The following NUP98 variants were observed in gnomAD, a reference collection of about 807,000 sequenced individuals.
NUP98 encodes nuclear pore complex protein Nup98-Nup96.
In NUP98, 26 loss-of-function variants were observed where a neutral mutation model predicts 191.9. The ratio of observed to expected loss-of-function variants is 0.14; its 90% confidence interval spans 0.10 to 0.19. The LOEUF (loss-of-function observed/expected upper bound fraction) is 0.19. Ranked by LOEUF, NUP98 falls within the 10% of genes least tolerant of loss-of-function variation. NUP98 has a pLI of 1.00. For missense variants in NUP98, 1,941 were observed against 2,178.8 expected (o/e 0.89, Z 2.17); for synonymous variants, 808 against 778.4 (o/e 1.04, Z -0.63).
intron 16 of NUP98, among the ~76,000 whole-genome samples, chr11:3,721,380 T>C (rs2079394589): frequency 1.3e-5 from 2 of 152,078 alleles, no homozygotes; most frequent in South Asian, 4.1e-4. Context: ...AAATTTACAC[T>C]CCCAAATAAA....
At chr11:3,697,954 T>C (rs2078564203) in intron 25 of NUP98, among the ~76,000 whole-genome samples, 1 of 151,712 alleles carries the variant, frequency 6.6e-6, no homozygotes, top group Non-Finnish European at 1.5e-5. Flanking sequence ...AGCCAGTGAG[T>C]ACCTCAACCC....
intron 29 of NUP98, 59 bp downstream of exon 29, chr11:3,685,914 C>A (rs536478357): frequency 7.4e-7 from 1 of 1,342,328 alleles, no homozygotes; most frequent in African/African-American, 1.4e-5. Context: ...AGACTGATTC[C>A]TTTGGAATTG....
chr11:3,751,066 A>G (rs2080730708), intron 11 of NUP98, among the ~76,000 whole-genome samples: 1 of 152,194 alleles, frequency 6.6e-6, no homozygotes, highest in Admixed American at 6.6e-5. Context: ...CCATTTAAAA[A>G]TATAATCCCA....
At chr11:3,770,803 TG>T (rs1448610091) in intron 7 of NUP98, among the ~76,000 whole-genome samples, 1 of 152,190 alleles carries the variant, frequency 6.6e-6, no homozygotes, top group African/African-American at 2.4e-5. Context: ...ATTAAACCAA[TG>T]CATCGGCAAA....
At chr11:3,766,854 T>C (rs2081357117) in intron 8 of NUP98, among the ~76,000 whole-genome samples, 1 of 152,212 alleles carries the variant, frequency 6.6e-6, no homozygotes, top group Non-Finnish European at 1.5e-5. Context: ...ATCATGTGGT[T>C]TTCTGTTGTT....
At chr11:3,676,879 T>C (rs879765260) in intron 31 of NUP98, among the ~76,000 whole-genome samples, 8 of 152,190 alleles carry the variant, frequency 5.3e-5, no homozygotes, top group Non-Finnish European at 1.0e-4. Context: ...CAGCAAGCTT[T>C]AATAACACAG....
chr11:3,774,820 T>G (rs555429703), intron 5 of NUP98, among the ~76,000 whole-genome samples: 2 of 152,328 alleles, frequency 1.3e-5, no homozygotes, highest in Admixed American at 1.3e-4. Context: ...TCTCAACTAC[T>G]GCACTTTCCA....
At chr11:3,720,626 A>T in intron 17 of NUP98, 86 bp downstream of exon 17, 1 of 656,374 alleles carries the variant, frequency 1.5e-6, no homozygotes. Context: ...AGGAAAATGA[A>T]GATTCAGCTA....
At chr11:3,717,622 C>G (rs1252345050) in intron 18 of NUP98, among the ~76,000 whole-genome samples, 2 of 152,142 alleles carry the variant, frequency 1.3e-5, no homozygotes, top group African/African-American at 4.8e-5. Flanking sequence ...CATCAAAGAA[C>G]AGAGATAATT....
At chr11:3,714,085 T>C in intron 18 of NUP98, 90 bp from the exon 19 acceptor site, 6 of 1,214,340 alleles carry the variant, frequency 4.9e-6, no homozygotes, top group Non-Finnish European at 7.1e-6. Context: ...AAATAGTGAA[T>C]AATGGTAACT....
intron 26 of NUP98, among the ~76,000 whole-genome samples, chr11:3,694,024 A>T (rs935378414): frequency 6.7e-6 from 1 of 150,272 alleles, no homozygotes; most frequent in African/African-American, 2.4e-5. Context: ...TGAGGTCAGG[A>T]GTTCCAGACC....
In NUP98 at chr11:3,706,495, C is replaced by T. The variant is rs773802551; in HGVS notation, c.2875G>A (p.Ala959Thr). 1 of 1,614,104 alleles carries T rather than the reference C, an allele frequency of 6.2e-7. No individual in the cohort carries two copies. The highest frequency in any genetic ancestry group is 1.1e-5 in the South Asian group (1 of 91,082). ...AGTGAAGATGCAATATGTGTTGAGGCAGACACAGGTTCCTGATCCTCAGGC... is the reference window on the plus strand; with the variant it reads ...AGTGAAGATGCAATATGTGTTGAGGTAGACACAGGTTCCTGATCCTCAGGC... The part of the protein sequence containing the change: ...SMPEDQEPVS[A>T]STHIASSLGI... Residue 959 changes from alanine to threonine, a missense_variant, in exon 21 of 33, where the codon GCC becomes ACC. Coordinates refer to ENST00000324932, the MANE Select transcript of NUP98 (RefSeq NM_016320.5).
chr11:3,676,712 G>T (rs764921198), intron 31 of NUP98, 92 bp from the exon 32 acceptor site: 2 of 1,017,522 alleles, frequency 2.0e-6, no homozygotes, highest in Admixed American at 1.7e-5. Context: ...TGAAACAACA[G>T]TGAGGTGAGG....
intron 14 of NUP98, among the ~76,000 whole-genome samples, chr11:3,729,444 G>A (rs535321036): frequency 1.3e-5 from 2 of 150,574 alleles, no homozygotes; most frequent in Non-Finnish European, 3.0e-5. Context: ...GTAGCTGGGC[G>A]TGGTAGCTCA....
At chr11:3,790,853 T>C (rs1424849023) in intron 1 of NUP98, among the ~76,000 whole-genome samples, 1 of 152,128 alleles carries the variant, frequency 6.6e-6, no homozygotes, top group Non-Finnish European at 1.5e-5. Context: ...TGTAATTACT[T>C]TTGAAAGCTA....
chr11:3,773,569 TA>T (rs1323604605), intron 6 of NUP98, 62 bp downstream of exon 6: 48 of 1,062,212 alleles, frequency 4.5e-5, no homozygotes, highest in Admixed American at 7.4e-5. Flanking sequence ...AAACCATTTT[TA>T]AAAGCTGCAT....
intron 5 of NUP98, 40 bp downstream of exon 5, chr11:3,775,842 G>C (rs376455891): frequency 6.3e-7 from 1 of 1,586,790 alleles, no homozygotes; most frequent in Non-Finnish European, 8.6e-7. Context: ...ATATACATGC[G>C]GGAAAAAACA....
intron 20 of NUP98, 43 bp downstream of exon 20, chr11:3,712,521 G>C: frequency 6.2e-7 from 1 of 1,608,076 alleles, no homozygotes; most frequent in South Asian, 1.1e-5. Flanking sequence ...TTCAACTTCG[G>C]TATCACGGAT....
rs371613326 is a variant in NUP98, at chr11:3,768,842, T to A, written c.785-98A>T. The A allele has an allele frequency of 4.9e-5, 46 of 934,284 alleles. No individual in the cohort carries two copies. In the African/African-American group the frequency reaches 5.8e-4, roughly 12 times the overall value. 57.9% of individuals were successfully genotyped at this position (934,284 alleles called of 1,614,324 possible). On this transcript the variant is annotated intron_variant, in intron 7 of 32. Transcript: ENST00000324932. ...TTCCATTATCCAGTTGTTGTAATAG[T>A]CTTTATGTTATCTACTACCCTTCAT...
Sources: gnomAD v4.1 joint callset for allele counts (sites outside exome capture counted in the v4.1 genomes callset) on GRCh38, gnomAD v4.1.1 for gene constraint, MANE v1.5 for transcripts, NCBI Gene and HGNC (gene_info 2026-07-23, HGNC 2026-07-21) for gene names.